FYTTD1: variants seen among roughly 807,000 people sequenced by gnomAD.
FYTTD1 encodes forty-two-three domain containing 1, also known as UAP56-interacting factor.
A neutral mutation model predicts 40.9 loss-of-function variants in FYTTD1; 22 were observed. The observed-to-expected ratio is 0.54, with a 90% CI of 0.38 to 0.77. The LOEUF (loss-of-function observed/expected upper bound fraction) is 0.77, where lower values mean the gene tolerates loss of function less well. FYTTD1 is among the 30% of genes least tolerant of loss of function. The pLI is 0.00. For synonymous variants in FYTTD1, 140 were observed against 137.9 expected (o/e 1.01, Z -0.10); for missense variants, 351 against 392.2 (o/e 0.90, Z 0.89).
intron 2 of FYTTD1, 109 bp from the exon 3 acceptor site, chr3:197,768,330 A>G: frequency 1.4e-6 from 1 of 723,076 alleles, no homozygotes; most frequent in South Asian, 2.8e-5. Flanking sequence ...ATAAATAATA[A>G]CATAATAAAT....
chr3:197,755,417 T>A (rs953733783), intron 1 of FYTTD1, among the ~76,000 whole-genome samples: 58 of 152,034 alleles, frequency 3.8e-4, no homozygotes, highest in African/African-American at 1.3e-3. Context: ...AATTTTTGAT[T>A]ACCTATATAT....
chr3:197,753,776 G>A (rs1315316197), intron 1 of FYTTD1, among the ~76,000 whole-genome samples: 1 of 151,978 alleles, frequency 6.6e-6, no homozygotes, highest in African/African-American at 2.4e-5. Context: ...TTTATTTTGA[G>A]ACGGAGTCTT....
At position 197,750,003 on chromosome 3, in the gene FYTTD1, C is replaced by G. The variant is rs1728950306; in HGVS notation, c.32C>G (p.Ala11Gly). The change falls in exon 1 of 9, where the codon GCC (alanine) becomes GGC (glycine). Residue 11 changes from alanine (A) to glycine (G), a missense_variant. Physicochemically the swap from Ala to Gly is moderately conservative, Grantham distance 60. Transcript: ENST00000241502. The part of the protein sequence containing the change: MNRFGTRLVG[A>G]TATSSPPPKA... ...CGGTTTGGTACCCGGTTGGTGGGAG[C>G]CACGGCGACTTCTTCGCCGCCGCCG... 4 of 1,583,000 alleles carry G rather than the reference C, an allele frequency of 2.5e-6. No homozygotes were observed. The highest frequency in any genetic ancestry group is 3.4e-6 in the Non-Finnish European group (4 of 1,166,524).
rs753479911 is a variant in FYTTD1, at chr3:197,768,548, A to G, written c.345A>G (p.Lys115=). 3 of 1,613,778 alleles carry G rather than the reference A, an allele frequency of 1.9e-6. No homozygotes were observed. The highest frequency in any genetic ancestry group is 2.5e-6 in the Non-Finnish European group (3 of 1,179,834). Reference sequence around the variant, plus strand: ...CTAGGAAAACGACTGGAATTCGAAAAGGAATTAGTCCTATGAATCGTCCAC... The same window carrying G: ...CTAGGAAAACGACTGGAATTCGAAAGGGAATTAGTCCTATGAATCGTCCAC... ...LAARKTTGIR[K]GISPMNRPPL... is the part of the protein sequence containing the mutation. The change falls in exon 3 of 9, where the codon AAA becomes AAG. Residue 115 remains lysine (K), a synonymous_variant. Transcript: ENST00000241502.
chr3:197,752,186 T>C (rs1419535777), intron 1 of FYTTD1, among the ~76,000 whole-genome samples: 1 of 152,236 alleles, frequency 6.6e-6, no homozygotes, highest in African/African-American at 2.4e-5. Flanking sequence ...ATTAACTCAG[T>C]TTATCCTCAT....
chr3:197,773,580 G>A (rs955682807), intron 5 of FYTTD1, 81 bp downstream of exon 5: 9 of 779,332 alleles, frequency 1.2e-5, no homozygotes, highest in Non-Finnish European at 1.7e-5. Context: ...CCTTTAGTAA[G>A]CCTCAGTCAT....
At chr3:197,764,274 C>A (rs1274492956) in intron 2 of FYTTD1, among the ~76,000 whole-genome samples, 2 of 152,110 alleles carry the variant, frequency 1.3e-5, no homozygotes, top group Non-Finnish European at 2.9e-5. Flanking sequence ...ATAATTGGGG[C>A]AGTATGTATA....
chr3:197,758,052 C>A (rs530704102), intron 2 of FYTTD1, among the ~76,000 whole-genome samples: 1 of 152,100 alleles, frequency 6.6e-6, no homozygotes, highest in Non-Finnish European at 1.5e-5. Flanking sequence ...TACAGGCATG[C>A]GCCACCATGC....
intron 2 of FYTTD1, chr3:197,763,350 G>T: frequency 3.8e-6 from 1 of 260,360 alleles, no homozygotes; most frequent in Non-Finnish European, 7.7e-6. Flanking sequence ...GGAGGCGGAG[G>T]TTGCGGTGAG....
rs771140742 is a variant in FYTTD1 at position 197,778,458 on chromosome 3, A to G, written c.852A>G (p.Gly284=). ...TGCAGTTTGACATAAACAGTGTCGG[A>G]AAACAGGTAAAAAAACGTTTTCTGT... ...VPLQFDINSV[G]KQTGMTLNER... The change falls in exon 8 of 9, where the codon GGA becomes GGG. Residue 284 remains glycine, a synonymous_variant. Coordinates refer to ENST00000241502, the MANE Select transcript of FYTTD1 (RefSeq NM_032288.7). 1.3e-6 allele frequency: 2 copies of G among 1,595,868 alleles called. No homozygotes were observed. The highest frequency in any genetic ancestry group is 4.5e-5 in the East Asian group (2 of 44,712).
At chr3:197,770,356 G>A (rs1729682109) in intron 4 of FYTTD1, 112 bp downstream of exon 4, 1 of 681,632 alleles carries the variant, frequency 1.5e-6, no homozygotes. Flanking sequence ...TCATTTTCAA[G>A]ACAGATATTT....
intron 1 of FYTTD1, 25 bp downstream of exon 1, chr3:197,750,099 T>A (rs773699100): frequency 6.6e-7 from 1 of 1,521,490 alleles, no homozygotes; most frequent in South Asian, 1.2e-5. Context: ...TGGACCGAGT[T>A]GGAGTGCGGG....
chr3:197,777,024 C>T (rs1560500649), intron 7 of FYTTD1, 23 bp downstream of exon 7: 1 of 1,440,360 alleles, frequency 6.9e-7, no homozygotes, highest in Non-Finnish European at 9.7e-7. Flanking sequence ...TTTCTTTTTG[C>T]AAAAATTATA....
At chr3:197,769,668 C>T (rs1729657702) in intron 3 of FYTTD1, among the ~76,000 whole-genome samples, 1 of 152,144 alleles carries the variant, frequency 6.6e-6, no homozygotes, top group Admixed American at 6.5e-5. Flanking sequence ...ATAACTTCCC[C>T]ACTTTTTCTT....
In FYTTD1 at chr3:197,778,455, C is replaced by G; in HGVS notation, c.849C>G (p.Val283=). 6.3e-7 allele frequency: 1 copy of G among 1,597,250 alleles called. No individual in the cohort carries two copies. The highest frequency in any genetic ancestry group is 8.5e-7 in the Non-Finnish European group (1 of 1,172,142). ...GVPLQFDINS[V]GKQTGMTLNE... ...CCCTGCAGTTTGACATAAACAGTGT[C>G]GGAAAACAGGTAAAAAAACGTTTTC... The change falls in exon 8 of 9, where the codon GTC becomes GTG. Residue 283 remains valine (V), a synonymous_variant. Coordinates refer to ENST00000241502, the MANE Select transcript of FYTTD1 (RefSeq NM_032288.7).
In FYTTD1 at chr3:197,785,153, G is replaced by C. The variant is rs1730126773; in HGVS notation, c.*3244G>C. ...CTATTTGGGTTAGGTAGACCTGTTA[G>C]AAAAGTCCAGTGTTCCTAATCAGAT... On this transcript the variant is annotated 3_prime_UTR_variant, in exon 9 of 9. Coordinates refer to ENST00000241502, the MANE Select transcript of FYTTD1 (RefSeq NM_032288.7). 1 of 152,198 alleles carries C rather than the reference G, an allele frequency of 6.6e-6. No homozygotes were observed. The highest frequency in any genetic ancestry group is 2.1e-4 in the South Asian group (1 of 4,824). The allele number at this position is 152,198 out of a possible 1,614,324, so 9.4% of individuals were successfully genotyped here. A position where few individuals can be genotyped will look rare whatever the true frequency, so the allele number is the denominator to read the frequency against.
In FYTTD1 at chr3:197,781,980, A is replaced by T; in HGVS notation, c.*71A>T. Reference sequence around the variant, plus strand: ...ATTGCTTGAAGAGTTCATCACGGAAATTCAAGAAACTTTACTTCAAAATAT... The same window carrying T: ...ATTGCTTGAAGAGTTCATCACGGAATTTCAAGAAACTTTACTTCAAAATAT... On this transcript the variant is annotated 3_prime_UTR_variant, in exon 9 of 9. Coordinates refer to ENST00000241502, the MANE Select transcript of FYTTD1 (RefSeq NM_032288.7). 1 of 843,936 alleles carries T rather than the reference A, an allele frequency of 1.2e-6. No individual in the cohort carries two copies. Among genetic ancestry groups the T allele is most frequent in the Non-Finnish European group, 1.8e-6 (1 of 560,934 alleles). The allele number at this position is 843,936 out of a possible 1,614,324, so 52.3% of individuals were successfully genotyped here.
intron 8 of FYTTD1, 93 bp downstream of exon 8, chr3:197,778,557 T>A: frequency 1.2e-6 from 1 of 840,858 alleles, no homozygotes; most frequent in Non-Finnish European, 1.8e-6. Context: ...AAACAAGGTA[T>A]CCTAACTGCC....
At position 197,781,870 on chromosome 3, in the gene FYTTD1, A is replaced by C; in HGVS notation, c.918A>C (p.Thr306=). 6.2e-7 allele frequency: 1 copy of C among 1,610,338 alleles called. No homozygotes were observed. Among genetic ancestry groups the C allele is most frequent in the Non-Finnish European group, 8.5e-7 (1 of 1,177,576 alleles). Reference sequence around the variant, plus strand: ...TGAAGGAACAAAGAGCCACTCTCACATACAACAAAGGGGGAAGCCGCTTTG... The same window carrying C: ...TGAAGGAACAAAGAGCCACTCTCACCTACAACAAAGGGGGAAGCCGCTTTG... The part of the protein sequence containing the change: ...GILKEQRATL[T]YNKGGSRFVT... Residue 306 remains threonine (T), a synonymous_variant, in exon 9 of 9, where the codon ACA becomes ACC. Transcript: ENST00000241502.
Sources: gnomAD v4.1 joint callset for allele counts (sites outside exome capture counted in the v4.1 genomes callset) on GRCh38, gnomAD v4.1.1 for gene constraint, MANE v1.5 for transcripts, NCBI Gene and HGNC (gene_info 2026-07-23, HGNC 2026-07-21) for gene names.